KANSL3: variants seen among roughly 807,000 people sequenced by gnomAD.
The protein encoded by KANSL3 is NSL complex protein NSL3.
A neutral mutation model predicts 89.2 loss-of-function variants in KANSL3; 16 were observed. The ratio of observed to expected loss-of-function variants is 0.18; its 90% CI spans 0.12 to 0.27. The LOEUF is 0.27. Ranked by LOEUF, KANSL3 falls within the 10% of genes least tolerant of loss-of-function variation. The pLI is 1.00. For missense variants in KANSL3, 879 were observed against 1,110.6 expected (o/e 0.79, Z 2.96); for synonymous variants, 385 against 419.7 (o/e 0.92, Z 1.01).
At chr2:96,600,528 T>C in intron 20 of KANSL3, 1 of 985,350 alleles carries the variant, frequency 1.0e-6, no homozygotes, top group Non-Finnish European at 1.2e-6. Context: ...ACAGAAGAGC[T>C]TTTAGAATGG....
intron 3 of KANSL3, among the ~76,000 whole-genome samples, chr2:96,623,104 A>AT (rs1158694775): frequency 1.3e-5 from 2 of 152,258 alleles, no homozygotes; most frequent in Non-Finnish European, 2.9e-5. Context: ...TTTAAGTGCT[A>AT]TATCCCCAGC....
intron 5 of KANSL3, among the ~76,000 whole-genome samples, chr2:96,615,768 G>GA (rs990062806): frequency 1.4e-4 from 22 of 152,312 alleles, no homozygotes; most frequent in African/African-American, 4.3e-4. Flanking sequence ...TTTAACTCAG[G>GA]AAAGAAATAT....
Position 96,612,575 on chromosome 2 carries a change from A to T in KANSL3, c.913-12T>A. The T allele has an allele frequency of 2.5e-6, 4 of 1,601,206 alleles. No homozygotes were observed. In the South Asian group the frequency reaches 3.3e-5, roughly 13 times the overall value. On this transcript the variant is annotated splice_polypyrimidine_tract_variant and intron_variant, in intron 7 of 20. Coordinates refer to ENST00000431828, the MANE Select transcript of KANSL3 (RefSeq NM_001115016.3). Reference sequence around the variant, plus strand: ...GCTACAGGGATGACCTGAAGGAAAGAAGTAGCCCCCACACCAGCAGAGGTA... The same window carrying T: ...GCTACAGGGATGACCTGAAGGAAAGTAGTAGCCCCCACACCAGCAGAGGTA...
In KANSL3 at chr2:96,604,440, C is replaced by G. The variant is rs1573334283; in HGVS notation, c.2019-60G>C. 3 of 1,580,966 alleles carry G rather than the reference C, an allele frequency of 1.9e-6. No homozygotes were observed. In the East Asian group the frequency reaches 6.7e-5, roughly 35 times the overall value. On this transcript the variant is annotated intron_variant, in intron 16 of 20. Transcript: ENST00000431828. ...GTCACAGGACAGCAAGCCCTAGCAA[C>G]ACTGGCAGGGTACAGAGTGGGGCCC... is the stretch of plus-strand genomic sequence containing the variant.
chr2:96,637,307 A>G, intron 1 of KANSL3, 122 bp from the exon 2 acceptor site: 1 of 555,756 alleles, frequency 1.8e-6, no homozygotes, highest in South Asian at 2.3e-5. Flanking sequence ...ATTTCACGGC[A>G]GACCTCTGGT....
chr2:96,604,431 C>A (rs887541288), intron 16 of KANSL3, 51 bp from the exon 17 acceptor site: 2 of 1,589,054 alleles, frequency 1.3e-6, no homozygotes, highest in African/African-American at 1.3e-5. Flanking sequence ...GGACAGCAAG[C>A]CCTAGCAACA....
At chr2:96,626,745 T>C (rs938668595) in intron 3 of KANSL3, among the ~76,000 whole-genome samples, 8 of 152,226 alleles carry the variant, frequency 5.3e-5, no homozygotes, top group Admixed American at 4.6e-4. Context: ...TACATCACTA[T>C]GCCAGCAAAT....
intron 14 of KANSL3, 197 bp from the exon 15 acceptor site, chr2:96,605,708 C>T: frequency 2.3e-6 from 1 of 426,584 alleles, no homozygotes; most frequent in Non-Finnish European, 4.3e-6. Context: ...TGGGGGACCC[C>T]ACTTTGCCCT....
intron 16 of KANSL3, 85 bp from the exon 17 acceptor site, chr2:96,604,465 C>T (rs1474524639): frequency 6.7e-7 from 1 of 1,491,818 alleles, no homozygotes; most frequent in Non-Finnish European, 9.0e-7. Flanking sequence ...GAGTGGGGCC[C>T]AGCAAGGCTT....
At chr2:96,610,998 G>A in intron 10 of KANSL3, 66 bp downstream of exon 10, 2 of 1,580,016 alleles carry the variant, frequency 1.3e-6, no homozygotes, top group Non-Finnish European at 1.7e-6. Context: ...CATCAGCTTG[G>A]ACAAGGCATG....
At chr2:96,621,075 A>G (rs2071174827) in intron 3 of KANSL3, among the ~76,000 whole-genome samples, 1 of 152,234 alleles carries the variant, frequency 6.6e-6, no homozygotes, top group South Asian at 2.1e-4. Context: ...GGATCAAGGT[A>G]GCATTTCAAA....
the KANSL3 span, among the ~76,000 whole-genome samples, chr2:96,585,114 C>T: frequency 6.6e-6 from 1 of 152,058 alleles, no homozygotes; most frequent in Non-Finnish European, 1.5e-5. Context: ...AAAGCAAATG[C>T]AACAAGAACA....
At chr2:96,607,074 A>G (rs1197137008) in intron 14 of KANSL3, 5 of 1,251,932 alleles carry the variant, frequency 4.0e-6, no homozygotes, top group Non-Finnish European at 5.2e-6. Flanking sequence ...AGAATTACAG[A>G]ATCACAGCCA....
chr2:96,597,729 A>G (rs1004598817), intron 20 of KANSL3, among the ~76,000 whole-genome samples: 2 of 151,972 alleles, frequency 1.3e-5, no homozygotes, highest in Non-Finnish European at 2.9e-5. Context: ...CAGCCTCCCA[A>G]GTAGCTGGGA....
rs139036186 is a variant in KANSL3 at position 96,612,436 on chromosome 2, A to G, written c.1014+26T>C. Reference sequence around the variant, plus strand: ...ACCCCAGAATGCTGGGTATGCCACAATGTACTGAAATACGGGCATTCTCAC... The same window carrying G: ...ACCCCAGAATGCTGGGTATGCCACAGTGTACTGAAATACGGGCATTCTCAC... On this transcript the variant is annotated intron_variant, in intron 8 of 20. Transcript: ENST00000431828. 57 of 1,607,270 alleles carry G rather than the reference A, an allele frequency of 3.5e-5. 2 individuals are homozygous for G. In the African/African-American group the frequency reaches 3.7e-4, roughly 11 times the overall value.
chr2:96,606,438 G>C (rs1017341375), intron 14 of KANSL3: 1 of 152,840 alleles, frequency 6.5e-6, no homozygotes, highest in Non-Finnish European at 1.5e-5. Context: ...GGTGTGGGGA[G>C]GAAGGTAGCA....
At chr2:96,604,202 G>A in intron 17 of KANSL3, 48 bp downstream of exon 17, 3 of 1,546,590 alleles carry the variant, frequency 1.9e-6, no homozygotes, top group Non-Finnish European at 2.6e-6. Context: ...AGAAGCAGCA[G>A]ACCAAAAATT....
At chr2:96,602,013 G>T (rs2067252450) in intron 19 of KANSL3, 103 bp downstream of exon 19, 1 of 1,248,088 alleles carries the variant, frequency 8.0e-7, no homozygotes, top group Non-Finnish European at 1.1e-6. Context: ...CCAGGACCCT[G>T]TGGGACTGGT....
In KANSL3 at chr2:96,602,320, G is replaced by A. The variant is rs866936269; in HGVS notation, c.2278C>T (p.Pro760Ser). 5 of 1,609,648 alleles carry A rather than the reference G, an allele frequency of 3.1e-6. No homozygotes were observed. The East Asian group carries it at 1.1e-4, about 36-fold the overall frequency. The change falls in exon 19 of 21, where the codon CCC (proline) becomes TCC (serine). Residue 760 changes from proline to serine, a missense_variant. By Grantham distance (74) the Pro-to-Ser change is moderately conservative. Transcript: ENST00000431828. Reference protein sequence around the residue: ...PAPQATSVKLPTPMQSLGAIT... With the variant: ...PAPQATSVKLSTPMQSLGAIT... ...GCACCCAGGCTCTGCATGGGGGTGG[G>A]CAACTTCACACTGGTGGCCTGTGGG... is the stretch of plus-strand genomic sequence containing the variant.
Sources: allele counts gnomAD v4.1 joint callset (sites outside exome capture counted in the v4.1 genomes callset), GRCh38; gene constraint gnomAD v4.1.1; transcripts MANE v1.5; gene names NCBI Gene and HGNC (gene_info 2026-07-23, HGNC 2026-07-21).